FBLN5: variants seen among roughly 807,000 people sequenced by gnomAD.
The protein encoded by FBLN5 is fibulin 5.
In FBLN5, 24 loss-of-function variants were observed where a neutral mutation model predicts 61.6. The ratio of observed to expected loss-of-function variants is 0.39; its 90% CI spans 0.28 to 0.55. The LOEUF is 0.55. Ranked by LOEUF, FBLN5 falls within the 20% of genes least tolerant of loss-of-function variation. FBLN5 has a pLI of 0.65. For missense variants in FBLN5, 470 were observed against 594.1 expected (o/e 0.79, Z 2.17); for synonymous variants, 213 against 219.8 (o/e 0.97, Z 0.27).
chr14:91,894,479 G>C lies in FBLN5; in HGVS notation c.502+471C>G, dbSNP rs550704578. On this transcript the variant is annotated intron_variant, in intron 5 of 10. Transcript: ENST00000342058. ...GTGGTGGCTCACACCTGTAATCTCA[G>C]CACTTTTGAGGCGGGCAGATGACTT... Among the ~76,000 whole-genome samples, 4 of 141,212 alleles carry C rather than the reference G, an allele frequency of 2.8e-5. No homozygotes were observed. In the East Asian group the frequency reaches 8.7e-4, roughly 31 times the overall value. 92.6% of individuals were successfully genotyped at this position (141,212 alleles called of 152,430 possible).
intron 4 of FBLN5, among the ~76,000 whole-genome samples, chr14:91,933,093 T>C (rs2055954158): frequency 6.6e-6 from 1 of 152,180 alleles, no homozygotes; most frequent in Admixed American, 6.5e-5. Flanking sequence ...AGGATTTTGT[T>C]AGAGCCATGC....
intron 1 of FBLN5, among the ~76,000 whole-genome samples, chr14:91,944,005 A>G (rs942416043): frequency 6.6e-6 from 1 of 151,954 alleles, no homozygotes; most frequent in Admixed American, 6.6e-5. Flanking sequence ...GCTTTAATCC[A>G]GTAAGATTGT....
chr14:91,901,062 A>G (rs2139992925), intron 4 of FBLN5, among the ~76,000 whole-genome samples: 1 of 152,298 alleles, frequency 6.6e-6, no homozygotes, highest in South Asian at 2.1e-4. Context: ...TGGAGTCTCC[A>G]TCTCCACCTC....
intron 4 of FBLN5, among the ~76,000 whole-genome samples, chr14:91,903,338 T>C (rs867497877): frequency 6.6e-6 from 1 of 152,126 alleles, no homozygotes; most frequent in South Asian, 2.1e-4. Flanking sequence ...TTCCAGAAGG[T>C]TCTCCTCCCT....
chr14:91,927,924 G>A (rs981824105), intron 4 of FBLN5, among the ~76,000 whole-genome samples: 1 of 152,268 alleles, frequency 6.6e-6, no homozygotes, highest in African/African-American at 2.4e-5. Context: ...AGAAAAACTT[G>A]TAGGTCATTG....
intron 9 of FBLN5, among the ~76,000 whole-genome samples, chr14:91,879,999 T>C (rs1242282435): frequency 6.6e-6 from 1 of 152,248 alleles, no homozygotes. Context: ...ACTCCTACTA[T>C]GCCAGGAACA....
At chr14:91,920,559 T>C (rs986349405) in intron 4 of FBLN5, among the ~76,000 whole-genome samples, 2 of 152,194 alleles carry the variant, frequency 1.3e-5, no homozygotes, top group Non-Finnish European at 2.9e-5. Context: ...TGCCAGGTGA[T>C]CTTGGACAAA....
rs184033024 is a variant in FBLN5, at chr14:91,928,043, G to A, written c.379+8904C>T. ...CACCCAGAACATGAGGCCAGTCAGTGCACTGAACCTCACCAGACCAGTGCC... is the reference window on the plus strand; with the variant it reads ...CACCCAGAACATGAGGCCAGTCAGTACACTGAACCTCACCAGACCAGTGCC... On this transcript the variant is annotated intron_variant, in intron 4 of 10. Transcript: ENST00000342058. 9.6e-4 allele frequency among the ~76,000 whole-genome samples: 146 copies of A among 152,332 alleles called. 1 individual carries two copies. The highest frequency in any genetic ancestry group is 6.8e-3 in the Middle Eastern group (2 of 292).
At chr14:91,894,841 C>CCCA in intron 5 of FBLN5, 109 bp downstream of exon 5, 1 of 563,084 alleles carries the variant, frequency 1.8e-6, no homozygotes. Context: ...CCCTCCCTAG[C>CCCA]AAAGAAAAGC....
intron 2 of FBLN5, among the ~76,000 whole-genome samples, chr14:91,941,819 G>T (rs529709978): frequency 2.6e-5 from 4 of 152,068 alleles, no homozygotes; most frequent in Non-Finnish European, 4.4e-5. Context: ...TGGTAAGGAC[G>T]ATGTATGTTA....
chr14:91,924,276 A>G (rs2246416), intron 4 of FBLN5, among the ~76,000 whole-genome samples: 46,113 of 152,196 alleles, frequency 0.3, 7,110 homozygotes, highest in East Asian at 0.48. Context: ...AAGTTAACCT[A>G]TGTAGAAACT....
Position 91,870,178 on chromosome 14 carries a change from C to T in FBLN5, c.*46G>A, listed in dbSNP as rs1330754710. 1.3e-6 allele frequency: 2 copies of T among 1,574,840 alleles called. No homozygotes were observed. Among genetic ancestry groups the T allele is most frequent in the South Asian group, 1.1e-5 (1 of 90,248 alleles). On this transcript the variant is annotated 3_prime_UTR_variant, in exon 11 of 11. Transcript: ENST00000342058. ...TCTGTTATTTCCTCTCTTCTCCTGT[C>T]CCTTGGTGCCAATGAGAGGCAGCGT...
At chr14:91,909,966 G>A (rs898199930) in intron 4 of FBLN5, among the ~76,000 whole-genome samples, 3 of 152,178 alleles carry the variant, frequency 2.0e-5, no homozygotes, top group Non-Finnish European at 4.4e-5. Context: ...ACTGTATGGT[G>A]GTTCTCCAAA....
chr14:91,939,621 C>T (rs1051604915), intron 3 of FBLN5, among the ~76,000 whole-genome samples: 1 of 152,180 alleles, frequency 6.6e-6, no homozygotes, highest in Non-Finnish European at 1.5e-5. Flanking sequence ...GGATTACAGG[C>T]GTGAGCCACC....
intron 4 of FBLN5, among the ~76,000 whole-genome samples, chr14:91,909,293 T>C (rs1218097224): frequency 6.6e-6 from 1 of 152,204 alleles, no homozygotes; most frequent in Non-Finnish European, 1.5e-5. Context: ...AGCCTAGCCA[T>C]AAGACTGTGA....
At chr14:91,915,627 CA>C (rs1891160053) in intron 4 of FBLN5, among the ~76,000 whole-genome samples, 1 of 130,838 alleles carries the variant, frequency 7.6e-6, no homozygotes, top group South Asian at 2.4e-4. Context: ...GCGGAGGTTG[CA>C]GTGAGCCGAT....
At chr14:91,911,839 G>A (rs1366835556) in intron 4 of FBLN5, among the ~76,000 whole-genome samples, 1 of 151,152 alleles carries the variant, frequency 6.6e-6, no homozygotes, top group East Asian at 1.9e-4. Flanking sequence ...TGCCCACGCT[G>A]TGCCTCGGCA....
chr14:91,903,656 G>A (rs2254453), intron 4 of FBLN5, among the ~76,000 whole-genome samples: 65,336 of 151,756 alleles, frequency 0.43, 14,244 homozygotes, highest in Middle Eastern at 0.59. Context: ...CCACACCAGC[G>A]CTCCATTCCC....
intron 4 of FBLN5, among the ~76,000 whole-genome samples, chr14:91,936,149 A>T (rs1208942813): frequency 6.6e-6 from 1 of 152,246 alleles, no homozygotes; most frequent in Non-Finnish European, 1.5e-5. Flanking sequence ...AAAAATGGGA[A>T]AAACAAAAAA....
Sources: allele counts gnomAD v4.1 joint callset (sites outside exome capture counted in the v4.1 genomes callset), GRCh38; gene constraint gnomAD v4.1.1; transcripts MANE v1.5; gene names NCBI Gene and HGNC (gene_info 2026-07-23, HGNC 2026-07-21).